Variants in PRKCE observed in about 807,000 individuals in gnomAD.
PRKCE encodes the protein protein kinase C epsilon type.
A neutral mutation model predicts 85.4 loss-of-function variants in PRKCE; 16 were observed. The observed-to-expected ratio is 0.19, with a 90% CI of 0.13 to 0.28. PRKCE has a LOEUF of 0.28. PRKCE is among the 10% of genes least tolerant of loss of function. PRKCE has a pLI of 1.00. For synonymous variants in PRKCE, 388 were observed against 371.5 expected (o/e 1.04, Z -0.51); for missense variants, 573 against 975.2 (o/e 0.59, Z 5.49).
intron 1 of PRKCE, among the ~76,000 whole-genome samples, chr2:45,768,822 G>A (rs1019429668): frequency 6.6e-6 from 1 of 152,180 alleles, no homozygotes; most frequent in Non-Finnish European, 1.5e-5. Flanking sequence ...TCTATCTGTT[G>A]GCTAATGCTT....
At chr2:45,798,184 T>C (rs554554840) in intron 1 of PRKCE, among the ~76,000 whole-genome samples, 4 of 152,320 alleles carry the variant, frequency 2.6e-5, no homozygotes, top group South Asian at 2.1e-4. Context: ...GTTTACTCCA[T>C]TGGATTAGGC....
At chr2:45,757,858 G>T (rs1684137036) in intron 1 of PRKCE, among the ~76,000 whole-genome samples, 1 of 152,146 alleles carries the variant, frequency 6.6e-6, no homozygotes, top group African/African-American at 2.4e-5. Flanking sequence ...TGTCAAAACT[G>T]AATGTACATA....
intron 10 of PRKCE, among the ~76,000 whole-genome samples, chr2:46,015,889 G>A (rs551400113): frequency 6.6e-6 from 1 of 152,322 alleles, no homozygotes; most frequent in Admixed American, 6.5e-5. Context: ...AGCAGGTTTG[G>A]TGAGTGCTTT....
intron 1 of PRKCE, among the ~76,000 whole-genome samples, chr2:45,691,711 CTGGTATT>C (rs1320551204): frequency 6.6e-6 from 1 of 152,174 alleles, no homozygotes. Context: ...ATTTCTGCTG[CTGGTATT>C]TGGTATTTGA....
chr2:46,026,506 C>T (rs1467286783), intron 10 of PRKCE, among the ~76,000 whole-genome samples: 1 of 152,194 alleles, frequency 6.6e-6, no homozygotes, highest in Non-Finnish European at 1.5e-5. Context: ...ATCTTTAATT[C>T]TACCAAAAGT....
chr2:46,041,528 G>T lies in PRKCE; in HGVS notation c.1437+31011G>T, dbSNP rs1011861559. Among the ~76,000 whole-genome samples, 1 of 152,164 alleles carries T rather than the reference G, an allele frequency of 6.6e-6. No individual in the cohort carries two copies. On this transcript the variant is annotated intron_variant, in intron 10 of 14. Coordinates refer to ENST00000306156, the MANE Select transcript of PRKCE (RefSeq NM_005400.3). The surrounding 1 kb of genome is among the most constrained non-coding windows in gnomAD (Gnocchi z 5.5). ...GTGTGGAAAGTTGCAGCATTTGCAG[G>T]AACTATGGGAATCTCAGCACATAGT...
intron 2 of PRKCE, among the ~76,000 whole-genome samples, chr2:45,853,474 T>C (rs1573614511): frequency 6.6e-6 from 1 of 152,192 alleles, no homozygotes; most frequent in South Asian, 2.1e-4. Flanking sequence ...ACTGTGCTAA[T>C]TTTTTCCTGG....
intron 1 of PRKCE, among the ~76,000 whole-genome samples, chr2:45,828,427 C>T (rs1573518114): frequency 6.6e-6 from 1 of 152,112 alleles, no homozygotes; most frequent in African/African-American, 2.4e-5. Flanking sequence ...ATCTATTGAG[C>T]TATTGAAGCT....
intron 1 of PRKCE, among the ~76,000 whole-genome samples, chr2:45,795,529 C>T (rs376943422): frequency 4.5e-4 from 68 of 152,196 alleles, no homozygotes; most frequent in African/African-American, 1.5e-3. Flanking sequence ...AGGCTGGTCT[C>T]GAACTCCTGA....
At chr2:45,787,049 A>G (rs1573355416) in intron 1 of PRKCE, among the ~76,000 whole-genome samples, 1 of 152,192 alleles carries the variant, frequency 6.6e-6, no homozygotes, top group Non-Finnish European at 1.5e-5. Flanking sequence ...TGCACATTGA[A>G]TAGAGACCCT....
chr2:45,942,723 AG>A (rs1178119698), intron 2 of PRKCE, among the ~76,000 whole-genome samples: 1 of 152,234 alleles, frequency 6.6e-6, no homozygotes, highest in Non-Finnish European at 1.5e-5. Flanking sequence ...TCTTGGAAAA[AG>A]TCACTTAATC....
At chr2:45,985,614 C>G (rs868708250) in intron 6 of PRKCE, among the ~76,000 whole-genome samples, 3 of 151,866 alleles carry the variant, frequency 2.0e-5, no homozygotes, top group Non-Finnish European at 4.4e-5. Flanking sequence ...GAAGGGATCC[C>G]AATGAGAAAC....
At chr2:45,960,279 C>G in intron 2 of PRKCE, among the ~76,000 whole-genome samples, 1 of 152,202 alleles carries the variant, frequency 6.6e-6, no homozygotes, top group East Asian at 1.9e-4. Context: ...CTTGGATTTT[C>G]TTAGTGCCGG....
At chr2:45,716,701 AG>A (rs1680149922) in intron 1 of PRKCE, among the ~76,000 whole-genome samples, 3 of 111,442 alleles carry the variant, frequency 2.7e-5, no homozygotes, top group Non-Finnish European at 5.8e-5. Flanking sequence ...GAAGGAAGGA[AG>A]GAAGGAAGGA....
intron 1 of PRKCE, among the ~76,000 whole-genome samples, chr2:45,741,083 C>G (rs908282194): frequency 6.6e-6 from 1 of 152,092 alleles, no homozygotes; most frequent in Non-Finnish European, 1.5e-5. Flanking sequence ...AAATTAAATG[C>G]GGAAATTTCC....
Position 45,976,426 on chromosome 2 carries a change from C to T in PRKCE, c.413-3C>T, listed in dbSNP as rs761306852. 49 of 1,599,168 alleles carry T rather than the reference C, an allele frequency of 3.1e-5. No individual in the cohort carries two copies. The East Asian group carries it at 6.7e-4, about 22-fold the overall frequency. The stretch of plus-strand genomic sequence containing the variant: ...TTTCTTCCCTGCTCTTGTCCTTCCC[C>T]AGCCCCTAAAGACAATGAAGAGCGT... On this transcript the variant is annotated splice_polypyrimidine_tract_variant and splice_region_variant and intron_variant, in intron 2 of 14. Coordinates refer to ENST00000306156, the MANE Select transcript of PRKCE (RefSeq NM_005400.3).
intron 10 of PRKCE, among the ~76,000 whole-genome samples, chr2:46,053,209 AC>A (rs1451242016): frequency 6.6e-6 from 1 of 152,222 alleles, no homozygotes; most frequent in African/African-American, 2.4e-5. Flanking sequence ...ATTCCACTAG[AC>A]ATTTGCAGCC....
intron 2 of PRKCE, among the ~76,000 whole-genome samples, chr2:45,943,539 A>C (rs2104246683): frequency 6.6e-6 from 1 of 152,372 alleles, no homozygotes; most frequent in East Asian, 1.9e-4. Flanking sequence ...TCTCCCACAA[A>C]GACTCAAAAT....
At chr2:45,814,418 G>A (rs925440756) in intron 1 of PRKCE, among the ~76,000 whole-genome samples, 1 of 152,238 alleles carries the variant, frequency 6.6e-6, no homozygotes, top group African/African-American at 2.4e-5. Context: ...GATTGCAGCT[G>A]GAGGTCAGAG....
Sources: gnomAD v4.1 joint callset for allele counts (sites outside exome capture counted in the v4.1 genomes callset) on GRCh38, gnomAD v4.1.1 for gene constraint, Gnocchi (gnomAD v3.1) non-coding constraint, MANE v1.5 for transcripts, NCBI Gene and HGNC (gene_info 2026-07-23, HGNC 2026-07-21) for gene names.